The following TSPAN15 variants were observed in gnomAD, a reference collection of about 807,000 sequenced individuals.
TSPAN15 encodes the protein tetraspanin-15.
In TSPAN15, 20 loss-of-function variants were observed where a neutral mutation model predicts 34.5. The ratio of observed to expected loss-of-function variants is 0.58; its 90% CI spans 0.41 to 0.84. The LOEUF is 0.84. TSPAN15 is among the 40% of genes least tolerant of loss of function. TSPAN15 has a pLI of 0.00. For synonymous variants in TSPAN15, 155 were observed against 153.9 expected (o/e 1.01, Z -0.05); for missense variants, 313 against 386.1 (o/e 0.81, Z 1.59).
the TSPAN15 span, among the ~76,000 whole-genome samples, chr10:69,536,746 A>G: frequency 5.3e-5 from 8 of 152,128 alleles, no homozygotes; most frequent in African/African-American, 1.9e-4. Context: ...ACACATTGAG[A>G]GGACGAGGCG....
the TSPAN15 span, among the ~76,000 whole-genome samples, chr10:69,524,282 A>G: frequency 1.1e-4 from 16 of 147,210 alleles, 1 homozygote; most frequent in Non-Finnish European, 1.8e-4. Flanking sequence ...CAGCCTGGCT[A>G]ACATGGTGAA....
At position 69,506,910 on chromosome 10, in the gene TSPAN15, C is replaced by G. The variant is rs374344529; in HGVS notation, c.817C>G (p.Leu273Val). The change falls in exon 8 of 8, where the codon CTG (leucine) becomes GTG (valine). Residue 273 changes from leucine (L) to valine (V), a missense_variant. Coordinates refer to ENST00000373290, the MANE Select transcript of TSPAN15 (RefSeq NM_012339.5). The surrounding 1 kb of genome is among the most constrained non-coding windows in gnomAD (Gnocchi z 4.7). Reference protein sequence around the residue: ...IMEHSVTDGLLGPGAKPSVEA... With the variant: ...IMEHSVTDGLVGPGAKPSVEA... The stretch of plus-strand genomic sequence containing the variant: ...GGAGCACTCTGTCACTGATGGGCTC[C>G]TGGGGCCCGGTGCCAAGCCCAGCGT... 3 of 1,609,014 alleles carry G rather than the reference C, an allele frequency of 1.9e-6. No individual in the cohort carries two copies. Among genetic ancestry groups the G allele is most frequent in the Non-Finnish European group, 1.7e-6 (2 of 1,178,256 alleles).
the TSPAN15 span, among the ~76,000 whole-genome samples, chr10:69,522,511 G>C: frequency 6.9e-6 from 1 of 144,638 alleles, no homozygotes; most frequent in Non-Finnish European, 1.5e-5. Context: ...TATATCAGGA[G>C]TCTCTGACCC....
At chr10:69,529,478 C>G in the TSPAN15 span, among the ~76,000 whole-genome samples, 1 of 147,866 alleles carries the variant, frequency 6.8e-6, no homozygotes. Context: ...TGTATCAACT[C>G]TGGATGATTT....
chr10:69,455,573 CTTTTCTTTCTT>C (rs1841075291), intron 1 of TSPAN15, among the ~76,000 whole-genome samples: 21 of 124,318 alleles, frequency 1.7e-4, no homozygotes, highest in East Asian at 6.5e-4. Context: ...CTTTCTTTCT[CTTTTCTTTCTT>C]TCTTTCTCTT....
chr10:69,524,561 G>A, the TSPAN15 span, among the ~76,000 whole-genome samples: 13 of 146,578 alleles, frequency 8.9e-5, 1 homozygote, highest in South Asian at 2.1e-3. Context: ...ACAGCCATAA[G>A]CCTGCATGTG....
chr10:69,507,616 C>T lies in TSPAN15; in HGVS notation c.*638C>T. On this transcript the variant is annotated 3_prime_UTR_variant, in exon 8 of 8. Coordinates refer to ENST00000373290, the MANE Select transcript of TSPAN15 (RefSeq NM_012339.5). ...CCCGCATGTCTTATTCTTGCCCTTC[C>T]CCCAACCAGTTTGTTAATCAAACAA... The T allele has an allele frequency of 7.7e-7, 1 of 1,300,076 alleles. No individual in the cohort carries two copies. Among genetic ancestry groups the T allele is most frequent in the Non-Finnish European group, 1.0e-6 (1 of 987,976 alleles). 80.5% of individuals were successfully genotyped at this position (1,300,076 alleles called of 1,614,324 possible).
At chr10:69,524,014 GT>G in the TSPAN15 span, among the ~76,000 whole-genome samples, 6 of 148,218 alleles carry the variant, frequency 4.0e-5, 3 homozygotes, top group East Asian at 9.9e-4. Context: ...ATATTGATAA[GT>G]ATTTTAACAT....
chr10:69,506,766 A>C lies in TSPAN15; in HGVS notation c.736-63A>C, dbSNP rs577338408. ...GCTGCTTGGGTTTCTGGGAGCCGGG[A>C]GCTGCAGGGAGGGCTGCCCTGATTC... On this transcript the variant is annotated intron_variant, in intron 7 of 7. Coordinates refer to ENST00000373290, the MANE Select transcript of TSPAN15 (RefSeq NM_012339.5). The surrounding 1 kb of genome is among the most constrained non-coding windows in gnomAD (Gnocchi z 4.7). 27 of 1,510,620 alleles carry C rather than the reference A, an allele frequency of 1.8e-5. No individual in the cohort carries two copies. In the African/African-American group the frequency reaches 3.7e-4, roughly 21 times the overall value. The allele number at this position is 1,510,620 out of a possible 1,614,324, so 93.6% of individuals were successfully genotyped here.
the TSPAN15 span, among the ~76,000 whole-genome samples, chr10:69,546,611 C>G: frequency 6.6e-6 from 1 of 152,176 alleles, no homozygotes; most frequent in Non-Finnish European, 1.5e-5. Context: ...ACACCCTCAT[C>G]TCCCTTTTCA....
In TSPAN15 at chr10:69,480,422, G is replaced by A. The variant is rs77635262; in HGVS notation, c.97-3269G>A. Among the ~76,000 whole-genome samples, 1,438 of 152,202 alleles carry A rather than the reference G, an allele frequency of 9.4e-3. 28 individuals are homozygous for A. The highest frequency in any genetic ancestry group is 0.033 in the African/African-American group (1,365 of 41,506). ...ATGTTAAGATACAATAGTTGTGTTC[G>A]TTCCACGACAGGGTGAGAATTACGC... On this transcript the variant is annotated intron_variant, in intron 1 of 7. Coordinates refer to ENST00000373290, the MANE Select transcript of TSPAN15 (RefSeq NM_012339.5).
chr10:69,456,438 A>C (rs1336511755), intron 1 of TSPAN15, among the ~76,000 whole-genome samples: 1 of 152,082 alleles, frequency 6.6e-6, no homozygotes, highest in Non-Finnish European at 1.5e-5. Context: ...CCTTTTTTAA[A>C]GTATATATTT....
chr10:69,494,717 G>A lies in TSPAN15; in HGVS notation c.358-877G>A, dbSNP rs557819683. 22 of 985,422 alleles carry A rather than the reference G, an allele frequency of 2.2e-5. No homozygotes were observed. The South Asian group carries it at 9.4e-4, about 42-fold the overall frequency. 61.0% of individuals were successfully genotyped at this position (985,422 alleles called of 1,614,324 possible). A position where few individuals can be genotyped will look rare whatever the true frequency, so the allele number is the denominator to read the frequency against. On this transcript the variant is annotated intron_variant, in intron 3 of 7. Coordinates refer to ENST00000373290, the MANE Select transcript of TSPAN15 (RefSeq NM_012339.5). ...GCGTACGCTGTGGTGCCACCCCCGG[G>A]AATTGTCTGGCTCTTCAGTCTGGCA...
chr10:69,489,193 A>C (rs1841918431), intron 3 of TSPAN15, among the ~76,000 whole-genome samples: 1 of 152,190 alleles, frequency 6.6e-6, no homozygotes, highest in African/African-American at 2.4e-5. Flanking sequence ...CCCTACTTGC[A>C]TGTCCGTTTA....
At chr10:69,543,005 T>G in the TSPAN15 span, among the ~76,000 whole-genome samples, 1 of 152,116 alleles carries the variant, frequency 6.6e-6, no homozygotes, top group Non-Finnish European at 1.5e-5. Context: ...GGGGTAGGGG[T>G]GGGGTATTTG....
intron 1 of TSPAN15, among the ~76,000 whole-genome samples, chr10:69,477,490 G>A (rs1225941435): frequency 6.6e-6 from 1 of 152,176 alleles, no homozygotes. Context: ...AGCGAGAGAT[G>A]CTCTAGACTT....
rs1842281712 is a variant in TSPAN15, at chr10:69,504,449, C to G, written c.582C>G (p.Val194=). 5 of 1,613,900 alleles carry G rather than the reference C, an allele frequency of 3.1e-6. No homozygotes were observed. In the South Asian group the frequency reaches 5.5e-5, roughly 18 times the overall value. ...CATTTCCATTTCAGACAGAAGTTGT[C>G]AACACCATGTGTGGCTACAAAACTA... The part of the protein sequence containing the change: ...TCCIRNTTEV[V]NTMCGYKTID... Residue 194 remains valine, a synonymous_variant, in exon 6 of 8, where the codon GTC becomes GTG. Transcript: ENST00000373290.
At chr10:69,534,909 C>T in the TSPAN15 span, among the ~76,000 whole-genome samples, 19 of 151,748 alleles carry the variant, frequency 1.3e-4, no homozygotes, top group East Asian at 2.9e-3. Flanking sequence ...TGCTTGGGCC[C>T]AGGAGGTCGA....
At chr10:69,464,917 G>A (rs1464723850) in intron 1 of TSPAN15, among the ~76,000 whole-genome samples, 1 of 152,212 alleles carries the variant, frequency 6.6e-6, no homozygotes, top group African/African-American at 2.4e-5. Context: ...CCTGACTTAT[G>A]ACTTCTCACA....
Sources: allele counts gnomAD v4.1 joint callset (sites outside exome capture counted in the v4.1 genomes callset), GRCh38; gene constraint gnomAD v4.1.1; non-coding constraint Gnocchi (gnomAD v3.1); transcripts MANE v1.5; gene names NCBI Gene and HGNC (gene_info 2026-07-23, HGNC 2026-07-21).